XRCC4: variants seen among roughly 807,000 people sequenced by gnomAD.
XRCC4 encodes X-ray repair cross complementing 4, also known as DNA repair protein XRCC4.
A neutral mutation model predicts 39.1 loss-of-function variants in XRCC4; 28 were observed. That is an observed-to-expected ratio of 0.72 (90% CI 0.53 to 0.98). The LOEUF is 0.98. Ranked by LOEUF, XRCC4 falls within the 50% of genes least tolerant of loss-of-function variation. XRCC4 has a pLI of 0.00. For missense variants in XRCC4, 350 were observed against 376.4 expected (o/e 0.93, Z 0.58); for synonymous variants, 123 against 126.4 (o/e 0.97, Z 0.18).
At chr5:83,320,948 A>T (rs1408112144) in intron 7 of XRCC4, among the ~76,000 whole-genome samples, 1 of 151,756 alleles carries the variant, frequency 6.6e-6, no homozygotes, top group Non-Finnish European at 1.5e-5. Context: ...AGTAGCTGGA[A>T]CTAAGGTGCC....
intron 3 of XRCC4, among the ~76,000 whole-genome samples, chr5:83,112,431 G>A (rs1023114765): frequency 2.4e-4 from 37 of 152,196 alleles, no homozygotes; most frequent in Admixed American, 1.2e-3. Context: ...TTTGTGCAGC[G>A]ATTTTCTAGT....
At chr5:83,258,399 A>G in intron 6 of XRCC4, 131 bp from the exon 7 acceptor site, 2 of 1,130,858 alleles carry the variant, frequency 1.8e-6, no homozygotes, top group Non-Finnish European at 2.5e-6. Context: ...ACAAATCTGC[A>G]TAAAGATTTG....
In XRCC4 at chr5:83,320,297, T is replaced by C. The variant is rs1231924418; in HGVS notation, c.894-32834T>C. On this transcript the variant is annotated intron_variant, in intron 7 of 7. Transcript: ENST00000396027. ...GGGTGCAGCGCACCAGCATGGCACA[T>C]GTATACATATGTAACTAACCTGCAC... Among the ~76,000 whole-genome samples the C allele has an allele frequency of 4.0e-5, 6 of 149,136 alleles. No homozygotes were observed. The South Asian group carries it at 1.3e-3, about 32-fold the overall frequency.
At chr5:83,255,709 A>G (rs1753511957) in intron 6 of XRCC4, among the ~76,000 whole-genome samples, 1 of 152,132 alleles carries the variant, frequency 6.6e-6, no homozygotes, top group Non-Finnish European at 1.5e-5. Context: ...AACCTGTCCT[A>G]TAGGTTTGAA....
intron 4 of XRCC4, among the ~76,000 whole-genome samples, chr5:83,200,859 T>C (rs1383313456): frequency 6.6e-6 from 1 of 152,220 alleles, no homozygotes; most frequent in Non-Finnish European, 1.5e-5. Flanking sequence ...GAAAATATTA[T>C]AGGAAGATAA....
At chr5:83,127,952 G>A (rs370543720) in intron 3 of XRCC4, among the ~76,000 whole-genome samples, 1 of 145,184 alleles carries the variant, frequency 6.9e-6, no homozygotes. Flanking sequence ...TTGTTTGTTT[G>A]TTTGCTGAGA....
intron 7 of XRCC4, among the ~76,000 whole-genome samples, chr5:83,323,795 G>A (rs1756156766): frequency 6.6e-6 from 1 of 152,022 alleles, no homozygotes; most frequent in African/African-American, 2.4e-5. Context: ...ATGTTTTCAA[G>A]GTTAATTTCA....
intron 7 of XRCC4, among the ~76,000 whole-genome samples, chr5:83,333,412 ACT>A (rs1423979256): frequency 1.3e-5 from 2 of 152,086 alleles, no homozygotes; most frequent in Non-Finnish European, 2.9e-5. Context: ...GTGGGCTCTG[ACT>A]CTGAATCCTA....
At chr5:83,093,188 TTTAA>T (rs1210735328) in intron 1 of XRCC4, among the ~76,000 whole-genome samples, 1 of 152,098 alleles carries the variant, frequency 6.6e-6, no homozygotes, top group East Asian at 1.9e-4. Flanking sequence ...CAGAAAATAC[TTTAA>T]GTCAAAAGCT....
chr5:83,129,674 T>G (rs978153948), intron 3 of XRCC4, among the ~76,000 whole-genome samples: 1 of 152,120 alleles, frequency 6.6e-6, no homozygotes, highest in Non-Finnish European at 1.5e-5. Context: ...GTAGTTCTCC[T>G]TGAAGAGGTC....
chr5:83,159,768 A>G (rs1303672051), intron 3 of XRCC4, among the ~76,000 whole-genome samples: 2 of 152,184 alleles, frequency 1.3e-5, no homozygotes, highest in African/African-American at 4.8e-5. Context: ...GTTGGTGGCA[A>G]AATTTACATT....
chr5:83,324,243 G>GT (rs1756172678), intron 7 of XRCC4, among the ~76,000 whole-genome samples: 1 of 151,962 alleles, frequency 6.6e-6, no homozygotes, highest in South Asian at 2.1e-4. Context: ...TCAAATTATT[G>GT]TTAATCTCAG....
intron 6 of XRCC4, among the ~76,000 whole-genome samples, chr5:83,210,906 C>T (rs1174613665): frequency 6.6e-6 from 1 of 152,162 alleles, no homozygotes; most frequent in Non-Finnish European, 1.5e-5. Context: ...ATGATGGTTT[C>T]TTATTTCCTA....
chr5:83,091,435 A>T (rs1436854881), intron 1 of XRCC4, among the ~76,000 whole-genome samples: 1 of 152,134 alleles, frequency 6.6e-6, no homozygotes, highest in Non-Finnish European at 1.5e-5. Context: ...ATCACCTCCC[A>T]CCAGGTCCTA....
At chr5:83,175,843 AG>A (rs963819959) in intron 3 of XRCC4, among the ~76,000 whole-genome samples, 2 of 152,042 alleles carry the variant, frequency 1.3e-5, no homozygotes, top group Non-Finnish European at 2.9e-5. Flanking sequence ...TCCTGATCTC[AG>A]GTGATCTGCC....
In XRCC4 at chr5:83,300,755, G is replaced by A. The variant is rs192300404; in HGVS notation, c.893+42078G>A. Among the ~76,000 whole-genome samples, 197 of 148,492 alleles carry A rather than the reference G, an allele frequency of 1.3e-3. 1 individual carries two copies. The highest frequency in any genetic ancestry group is 7.2e-4 in the Non-Finnish European group (48 of 67,130). ...TGCCCCCCACCCCCCAACAGGCCCC[G>A]TTGTGTGATGTTCCGCTCCTTGTGC... is the stretch of plus-strand genomic sequence containing the variant. On this transcript the variant is annotated intron_variant, in intron 7 of 7. Transcript: ENST00000396027.
chr5:83,092,974 G>A (rs578053783), intron 1 of XRCC4, among the ~76,000 whole-genome samples: 2 of 150,184 alleles, frequency 1.3e-5, no homozygotes, highest in Admixed American at 6.7e-5. Context: ...GAGTGTAAAC[G>A]GATTATATTC....
At chr5:83,215,864 TAAAG>T (rs978813369) in intron 6 of XRCC4, among the ~76,000 whole-genome samples, 4 of 152,128 alleles carry the variant, frequency 2.6e-5, no homozygotes, top group Non-Finnish European at 5.9e-5. Flanking sequence ...CTAAACCTAT[TAAAG>T]AAAACAGAAA....
At chr5:83,274,643 G>A (rs1272752229) in intron 7 of XRCC4, among the ~76,000 whole-genome samples, 2 of 152,172 alleles carry the variant, frequency 1.3e-5, no homozygotes, top group African/African-American at 4.8e-5. Context: ...TATATAGAAT[G>A]GTCAGGAAAT....
Sources: gnomAD v4.1 joint callset for allele counts (sites outside exome capture counted in the v4.1 genomes callset) on GRCh38, gnomAD v4.1.1 for gene constraint, MANE v1.5 for transcripts, NCBI Gene and HGNC (gene_info 2026-07-23, HGNC 2026-07-21) for gene names.